The following ZNF79 variants were observed in gnomAD, a reference collection of about 807,000 sequenced individuals.
ZNF79 encodes ZNFpT7.
A neutral mutation model predicts 14.9 loss-of-function variants in ZNF79; 13 were observed. That is an observed-to-expected ratio of 0.87 (90% CI 0.57 to 1.38). ZNF79 has a LOEUF of 1.38. Among genes scored for constraint, ZNF79 ranks in the 40% most tolerant of loss-of-function variants. The pLI is 0.00. For missense variants in ZNF79, 631 were observed against 630.6 expected, an observed-to-expected ratio of 1.00 and a Z score of -0.01; for synonymous variants, 223 against 235.1, an observed-to-expected ratio of 0.95 and a Z score of 0.47.
At chr9:127,442,187 G>C (rs1327286839) in intron 4 of ZNF79, among the ~76,000 whole-genome samples, 1 of 151,806 alleles carries the variant, frequency 6.6e-6, no homozygotes, top group African/African-American at 2.4e-5. Context: ...GATCACCTGA[G>C]GTCAGGAGTT....
In ZNF79 at chr9:127,444,832, A is replaced by C. The variant is rs1422061602; in HGVS notation, c.1132A>C (p.Asn378His). 6.2e-7 allele frequency: 1 copy of C among 1,612,000 alleles called. No homozygotes were observed. Residue 378 changes from asparagine to histidine, a missense_variant, in exon 5 of 5, where the codon AAC becomes CAC. Physicochemically the swap from Asn to His is moderately conservative, Grantham distance 68 (BLOSUM62 1). Coordinates refer to ENST00000342483, the MANE Select transcript of ZNF79 (RefSeq NM_007135.3). ...CTTCAGCCAGAGTGCAAACCTCACA[A>C]ACCATCAGAGGACTCACACTGGGGA... The part of the protein sequence containing the change: ...KAFSQSANLT[N>H]HQRTHTGEKP...
At chr9:127,438,167 C>T (rs1833983086) in intron 4 of ZNF79, among the ~76,000 whole-genome samples, 1 of 152,112 alleles carries the variant, frequency 6.6e-6, no homozygotes, top group Admixed American at 6.5e-5. Context: ...AGCAAGCAGA[C>T]ACCGTCTACC....
At position 127,445,172 on chromosome 9, in the gene ZNF79, A is replaced by G. The variant is rs551465890; in HGVS notation, c.1472A>G (p.His491Arg). Reference protein sequence around the residue: ...AFRCSSAFVRHQRLHAGE With the variant: ...AFRCSSAFVRRQRLHAGE ...CGGTGCAGCTCTGCCTTCGTTAGAC[A>G]TCAGAGACTCCACGCCGGAGAGTAA... Residue 491 changes from histidine to arginine, a missense_variant, in exon 5 of 5, where the codon CAT (histidine) becomes CGT (arginine). His to Arg is a conservative substitution (Grantham distance 29). Coordinates refer to ENST00000342483, the MANE Select transcript of ZNF79 (RefSeq NM_007135.3). 2 of 1,614,170 alleles carry G rather than the reference A, an allele frequency of 1.2e-6. No homozygotes were observed. Among genetic ancestry groups the G allele is most frequent in the African/African-American group, 1.3e-5 (1 of 75,064 alleles).
Position 127,435,191 on chromosome 9 carries a change from A to T in ZNF79, c.207A>T (p.Gly69=). 6.2e-7 allele frequency: 1 copy of T among 1,611,010 alleles called. No individual in the cohort carries two copies. Among genetic ancestry groups the T allele is most frequent in the Non-Finnish European group, 8.5e-7 (1 of 1,178,756 alleles). The stretch of plus-strand genomic sequence containing the variant: ...ACAGGTTCAAGGAGGGGATACCAGG[A>T]AAGTCCAGGAGCCTTGTCCTACTAG... ...PRDRFKEGIP[G]KSRSLVLLGL... Residue 69 remains glycine, a synonymous_variant, in exon 3 of 5, where the codon GGA becomes GGT. Coordinates refer to ENST00000342483, the MANE Select transcript of ZNF79 (RefSeq NM_007135.3).
Position 127,435,891 on chromosome 9 carries a change from T to A in ZNF79, c.233-17T>A. 6.2e-7 allele frequency: 1 copy of A among 1,612,562 alleles called. No homozygotes were observed. The highest frequency in any genetic ancestry group is 2.2e-5 in the East Asian group (1 of 44,860). On this transcript the variant is annotated splice_polypyrimidine_tract_variant and intron_variant, in intron 3 of 4. Coordinates refer to ENST00000342483, the MANE Select transcript of ZNF79 (RefSeq NM_007135.3). ...CTTACTTACAATTTCTAAAGCCTGTTTTTTCCCGTTGAATAGGACTTCCAG... is the reference window on the plus strand; with the variant it reads ...CTTACTTACAATTTCTAAAGCCTGTATTTTCCCGTTGAATAGGACTTCCAG...
chr9:127,440,315 G>A (rs1834027787), intron 4 of ZNF79, among the ~76,000 whole-genome samples: 1 of 152,152 alleles, frequency 6.6e-6, no homozygotes, highest in Admixed American at 6.5e-5. Flanking sequence ...TGACATGGGA[G>A]CTGAGATCTG....
intron 4 of ZNF79, among the ~76,000 whole-genome samples, chr9:127,439,911 G>A (rs919988077): frequency 6.6e-6 from 1 of 152,144 alleles, no homozygotes; most frequent in Non-Finnish European, 1.5e-5. Context: ...CTCCCAGGCT[G>A]GAGTGCAGTG....
chr9:127,437,336 A>C, intron 4 of ZNF79, among the ~76,000 whole-genome samples: 2 of 115,714 alleles, frequency 1.7e-5, no homozygotes, highest in Admixed American at 7.7e-5. Context: ...CCTTCTCTCA[A>C]GGCCCCCCCC....
At chr9:127,433,161 G>T (rs943119358) in intron 2 of ZNF79, among the ~76,000 whole-genome samples, 1 of 152,186 alleles carries the variant, frequency 6.6e-6, no homozygotes, top group African/African-American at 2.4e-5. Flanking sequence ...GATTGGAAGA[G>T]CAGGTAAAAT....
chr9:127,445,168 A>G lies in ZNF79; in HGVS notation c.1468A>G (p.Arg490Gly). 6.2e-7 allele frequency: 1 copy of G among 1,614,164 alleles called. No individual in the cohort carries two copies. Among genetic ancestry groups the G allele is most frequent in the Non-Finnish European group, 8.5e-7 (1 of 1,179,998 alleles). ...CTTCCGGTGCAGCTCTGCCTTCGTT[A>G]GACATCAGAGACTCCACGCCGGAGA... The part of the protein sequence containing the change: ...KAFRCSSAFV[R>G]HQRLHAGE Residue 490 changes from arginine (R) to glycine (G), a missense_variant, in exon 5 of 5, where the codon AGA (arginine) becomes GGA (glycine). By Grantham distance (125) the Arg-to-Gly change is moderately radical. Transcript: ENST00000342483.
intron 1 of ZNF79, 55 bp downstream of exon 1, chr9:127,424,858 C>T (rs1833722271): frequency 1.9e-6 from 3 of 1,610,914 alleles, no homozygotes; most frequent in Non-Finnish European, 2.5e-6. Context: ...CTTCGTTTGC[C>T]CACGACTGCC....
intron 3 of ZNF79, among the ~76,000 whole-genome samples, chr9:127,435,548 G>A (rs1420531794): frequency 6.6e-6 from 1 of 152,134 alleles, no homozygotes; most frequent in Non-Finnish European, 1.5e-5. Context: ...CCCTCCTTGA[G>A]GCTGTTTCCT....
At chr9:127,440,578 G>A (rs2131960114) in intron 4 of ZNF79, among the ~76,000 whole-genome samples, 1 of 152,270 alleles carries the variant, frequency 6.6e-6, no homozygotes, top group Middle Eastern at 3.4e-3. Flanking sequence ...ATGCAGGGAA[G>A]GGATGAGATT....
chr9:127,428,069 C>T (rs965637212), intron 1 of ZNF79, among the ~76,000 whole-genome samples: 1 of 152,116 alleles, frequency 6.6e-6, no homozygotes, highest in Non-Finnish European at 1.5e-5. Flanking sequence ...CAGCCTCGAC[C>T]TCCCTGGCTC....
chr9:127,425,001 T>C (rs753234676), intron 1 of ZNF79, 198 bp downstream of exon 1: 110 of 1,413,888 alleles, frequency 7.8e-5, no homozygotes, highest in Non-Finnish European at 1.0e-4. Flanking sequence ...CTTTTTTGAG[T>C]AAAGAATTCG....
At chr9:127,439,696 T>C (rs1157104342) in intron 4 of ZNF79, among the ~76,000 whole-genome samples, 2 of 152,212 alleles carry the variant, frequency 1.3e-5, no homozygotes. Context: ...CTCATTCTGA[T>C]TCATTGAATC....
chr9:127,440,091 T>C (rs1834024381), intron 4 of ZNF79, among the ~76,000 whole-genome samples: 1 of 152,184 alleles, frequency 6.6e-6, no homozygotes, highest in African/African-American at 2.4e-5. Context: ...CTCGATCTCC[T>C]GACCTCGTGA....
chr9:127,439,446 C>T (rs771976928), intron 4 of ZNF79, among the ~76,000 whole-genome samples: 6 of 152,182 alleles, frequency 3.9e-5, no homozygotes, highest in East Asian at 1.9e-4. Context: ...GAACAGAAGT[C>T]GTCAGGGGCA....
Position 127,430,007 on chromosome 9 carries a change from G to A in ZNF79, c.105+1087G>A, listed in dbSNP as rs140116713. ...AATTTTTGTATTTTTAGTAGAGATGGGGTTCACCATGTTGGCCAGGCTGGC... is the reference window on the plus strand; with the variant it reads ...AATTTTTGTATTTTTAGTAGAGATGAGGTTCACCATGTTGGCCAGGCTGGC... On this transcript the variant is annotated intron_variant, in intron 2 of 4. Coordinates refer to ENST00000342483, the MANE Select transcript of ZNF79 (RefSeq NM_007135.3). Among the ~76,000 whole-genome samples, 378 of 151,982 alleles carry A rather than the reference G, an allele frequency of 2.5e-3. 6 individuals are homozygous for A. The East Asian group carries it at 0.054, about 22-fold the overall frequency.
Sources: allele counts gnomAD v4.1 joint callset (sites outside exome capture counted in the v4.1 genomes callset), GRCh38; gene constraint gnomAD v4.1.1; transcripts MANE v1.5; gene names NCBI Gene and HGNC (gene_info 2026-07-23, HGNC 2026-07-21).